The following DST variants were observed in gnomAD, a reference collection of about 807,000 sequenced individuals.
The protein encoded by DST is dystonin.
A neutral mutation model predicts 875.2 loss-of-function variants in DST; 253 were observed. The ratio of observed to expected loss-of-function variants is 0.29; its 90% CI spans 0.26 to 0.32. The LOEUF (loss-of-function observed/expected upper bound fraction) is 0.32, where lower values mean the gene tolerates loss of function less well. Among genes scored for constraint, DST ranks in the 10% least tolerant of loss-of-function variants. The pLI is 1.00. For missense variants in DST, 8,287 were observed against 9,111.6 expected (o/e 0.91, Z 3.68); for synonymous variants, 3,124 against 3,197.1 (o/e 0.98, Z 0.77).
intron 4 of DST, among the ~76,000 whole-genome samples, chr6:56,743,526 C>T (rs868571720): frequency 1.3e-5 from 2 of 152,108 alleles, no homozygotes; most frequent in East Asian, 3.8e-4. Flanking sequence ...CCCTTGCCTC[C>T]GCTACACGAA....
intron 99 of DST, among the ~76,000 whole-genome samples, chr6:56,465,363 T>C (rs2094529128): frequency 6.6e-6 from 1 of 152,160 alleles, no homozygotes; most frequent in Admixed American, 6.5e-5. Flanking sequence ...AATTTTATTG[T>C]TTTTTTCTTG....
Position 56,648,628 on chromosome 6 carries a change from C to T in DST, c.1496G>A (p.Arg499Lys), listed in dbSNP as rs2152794419. 2 of 1,590,998 alleles carry T rather than the reference C, an allele frequency of 1.3e-6. No individual in the cohort carries two copies. The highest frequency in any genetic ancestry group is 8.6e-7 in the Non-Finnish European group (1 of 1,166,312). ...CTCAGACATTGTGGTCACATGGTGT[C>T]TAATCCATTGGATGAGGTAGTTCAC... ...NMVNYLIQWI[R>K]HHVTTMSERT... Residue 499 changes from arginine (R) to lysine (K), a missense_variant, in exon 13 of 104, where the codon AGA becomes AAA. Transcript: ENST00000680361.
chr6:56,615,958 A>G, intron 36 of DST: 3 of 1,614,218 alleles, frequency 1.9e-6, no homozygotes, highest in Non-Finnish European at 2.5e-6. Flanking sequence ...CTCTATGCAA[A>G]GCTTCGGCCA....
intron 4 of DST, among the ~76,000 whole-genome samples, chr6:56,773,696 TATG>T (rs1009656703): frequency 2.6e-5 from 4 of 152,210 alleles, no homozygotes; most frequent in African/African-American, 9.7e-5. Flanking sequence ...TCTCTATTTT[TATG>T]ATATTTCTCA....
At chr6:56,557,276 C>A in intron 59 of DST, 43 bp downstream of exon 59, 1 of 1,565,288 alleles carries the variant, frequency 6.4e-7, no homozygotes, top group South Asian at 1.2e-5. Context: ...CTCAGTAAGT[C>A]AAATTGCTAT....
chr6:56,910,612 G>A (rs886826600), intron 2 of DST, among the ~76,000 whole-genome samples: 3 of 152,012 alleles, frequency 2.0e-5, no homozygotes, highest in Admixed American at 6.6e-5. Flanking sequence ...AGCCTCCCAA[G>A]TAGCTGGGAT....
At chr6:56,935,776 T>C (rs1423659494) in intron 2 of DST, among the ~76,000 whole-genome samples, 1 of 151,936 alleles carries the variant, frequency 6.6e-6, no homozygotes, top group East Asian at 1.9e-4. Flanking sequence ...AATACAAAAA[T>C]TAGCTGGGCA....
intron 2 of DST, among the ~76,000 whole-genome samples, chr6:56,937,135 T>G (rs1813403813): frequency 6.6e-6 from 1 of 152,026 alleles, no homozygotes; most frequent in Middle Eastern, 3.4e-3. Context: ...TTCCTAGAAA[T>G]GACACCAAAG....
chr6:56,844,690 T>C (rs1472105972), intron 4 of DST, among the ~76,000 whole-genome samples: 3 of 151,892 alleles, frequency 2.0e-5, no homozygotes, highest in Admixed American at 1.3e-4. Flanking sequence ...CTGGCCAAAA[T>C]GGTGAAATCC....
rs2096105864 is a variant in DST, at chr6:56,501,066, T to G, written c.19896+14A>C. The G allele has an allele frequency of 1.2e-6, 2 of 1,609,470 alleles. No homozygotes were observed. Among genetic ancestry groups the G allele is most frequent in the African/African-American group, 1.3e-5 (1 of 74,624 alleles). On this transcript the variant is annotated intron_variant, in intron 80 of 103. Transcript: ENST00000680361. ...GACAGAGAAGAAACATAACATGCAT[T>G]AACAGCTACGTACATGATGCTTGGC...
intron 4 of DST, among the ~76,000 whole-genome samples, chr6:56,829,004 C>G (rs1015441092): frequency 6.6e-6 from 1 of 152,096 alleles, no homozygotes. Flanking sequence ...GTAGTTCCCC[C>G]AAGACTCAGA....
chr6:56,952,593 A>G (rs1297969317), intron 2 of DST, among the ~76,000 whole-genome samples: 1 of 152,228 alleles, frequency 6.6e-6, no homozygotes, highest in South Asian at 2.1e-4. Flanking sequence ...TTAAAATTCA[A>G]TTTTACAAAA....
intron 2 of DST, among the ~76,000 whole-genome samples, chr6:56,927,617 T>C (rs1807863468): frequency 6.6e-6 from 1 of 152,118 alleles, no homozygotes; most frequent in Admixed American, 6.5e-5. Flanking sequence ...TTAGAAAAGT[T>C]CCTATTATAT....
intron 9 of DST, among the ~76,000 whole-genome samples, chr6:56,688,291 C>G (rs2099202207): frequency 6.6e-6 from 1 of 152,154 alleles, no homozygotes; most frequent in Non-Finnish European, 1.5e-5. Flanking sequence ...CAAGGCTAAA[C>G]ACATTCAGAT....
Position 56,527,628 on chromosome 6 carries a change from C to T in DST, c.17787G>A (p.Leu5929=). The change falls in exon 68 of 104, where the codon CTG becomes CTA. Residue 5929 remains leucine (L), a synonymous_variant. Transcript: ENST00000680361. ...TGGAGTGCAGCCGCCTTGCAAGCTG[C>T]AGCGCCTGTTCCAGAGTCTTGGCCA... The part of the protein sequence containing the change: ...TDVAKTLEQA[L]QLARRLHSTH... 3 of 1,613,850 alleles carry T rather than the reference C, an allele frequency of 1.9e-6. No individual in the cohort carries two copies. The highest frequency in any genetic ancestry group is 2.5e-6 in the Non-Finnish European group (3 of 1,179,850).
chr6:56,803,148 G>A (rs1403349830), intron 4 of DST, among the ~76,000 whole-genome samples: 2 of 152,148 alleles, frequency 1.3e-5, no homozygotes, highest in African/African-American at 4.8e-5. Context: ...TTGCAGGTGA[G>A]GAAAGTCAAT....
chr6:56,876,218 T>C lies in DST; in HGVS notation c.417+24203A>G, dbSNP rs138335933. Among the ~76,000 whole-genome samples the C allele has an allele frequency of 4.7e-3, 709 of 152,294 alleles. 2 individuals are homozygous for C. The highest frequency in any genetic ancestry group is 7.4e-3 in the Non-Finnish European group (502 of 68,032). On this transcript the variant is annotated intron_variant, in intron 3 of 103. Coordinates refer to ENST00000680361, the MANE Select transcript of DST (RefSeq NM_001374736.1). ...CCTGACTCATTGCTTCTTCTTCACT[T>C]TGAGTGTAGTCATCTGGGAAGATTT... is the stretch of plus-strand genomic sequence containing the variant.
chr6:56,780,344 A>G (rs1403597746), intron 4 of DST, among the ~76,000 whole-genome samples: 4 of 151,780 alleles, frequency 2.6e-5, no homozygotes, highest in African/African-American at 9.7e-5. Flanking sequence ...TCCCACCAAG[A>G]GTGTAAAAGT....
rs1554722158 is a variant in DST, at chr6:56,764,097, G to GCACGCACA, written c.626-28809_626-28808insTGTGCGTG. On this transcript the variant is annotated intron_variant, in intron 4 of 103. Coordinates refer to ENST00000680361, the MANE Select transcript of DST (RefSeq NM_001374736.1). The stretch of plus-strand genomic sequence containing the variant: ...CAAAACCTTTTCCCAAAGTGCACAT[G>GCACGCACA]CACACACACACACACACACACACAC... 1.8e-4 allele frequency among the ~76,000 whole-genome samples: 26 copies of GCACGCACA among 142,020 alleles called. No individual in the cohort carries two copies. The South Asian group carries it at 1.9e-3, about 10-fold the overall frequency. 93.2% of individuals were successfully genotyped at this position (142,020 alleles called of 152,430 possible). A position where few individuals can be genotyped will look rare whatever the true frequency, so the allele number is the denominator to read the frequency against.
Sources: allele counts gnomAD v4.1 joint callset (sites outside exome capture counted in the v4.1 genomes callset), GRCh38; gene constraint gnomAD v4.1.1; transcripts MANE v1.5; gene names NCBI Gene and HGNC (gene_info 2026-07-23, HGNC 2026-07-21).